Variants in HMGCLL1 observed in about 807,000 individuals in gnomAD.
HMGCLL1 encodes 3-hydroxy-3-methylglutaryl-CoA lyase like 1.
Under a neutral mutation model 39.1 loss-of-function variants are expected in HMGCLL1, and 36 were observed. The observed-to-expected ratio is 0.92, with a 90% CI of 0.71 to 1.22. The LOEUF (loss-of-function observed/expected upper bound fraction) is 1.22. Ranked by LOEUF, HMGCLL1 falls within the 50% of genes most tolerant of loss-of-function variation. The pLI is 0.00. For synonymous variants in HMGCLL1, 149 were observed against 144.0 expected, an observed-to-expected ratio of 1.03 and a Z score of -0.25; for missense variants, 451 against 416.5, an observed-to-expected ratio of 1.08 and a Z score of -0.72.
chr6:55,554,688 G>C (rs1417581070), intron 1 of HMGCLL1, among the ~76,000 whole-genome samples: 1 of 152,080 alleles, frequency 6.6e-6, no homozygotes, highest in Non-Finnish European at 1.5e-5. Flanking sequence ...TTTAGAGGAA[G>C]CTATGCCAAT....
rs924221492 is a variant in HMGCLL1, at chr6:55,542,201, T to A, written c.109-61A>T. The A allele has an allele frequency of 8.8e-6, 10 of 1,141,990 alleles. No individual in the cohort carries two copies. In the African/African-American group the frequency reaches 1.4e-4, roughly 16 times the overall value. 70.7% of individuals were successfully genotyped at this position (1,141,990 alleles called of 1,614,324 possible). On this transcript the variant is annotated intron_variant, in intron 1 of 8. Transcript: ENST00000274901. Reference sequence around the variant, plus strand: ...TTTTAGATTGTTACATTTGCTTATTTGAAAAGTTAAACAACTGCACTTTGT... The same window carrying A: ...TTTTAGATTGTTACATTTGCTTATTAGAAAAGTTAAACAACTGCACTTTGT...
the HMGCLL1 span, among the ~76,000 whole-genome samples, chr6:55,611,722 A>T: frequency 6.6e-6 from 1 of 152,214 alleles, no homozygotes; most frequent in Admixed American, 6.5e-5. Context: ...TTATCTCAAT[A>T]GATGCAAAAA....
rs538717762 is a variant in HMGCLL1 at position 55,566,181 on chromosome 6, T to C, written c.108+12767A>G. 3.8e-4 allele frequency among the ~76,000 whole-genome samples: 58 copies of C among 152,234 alleles called. 2 individuals are homozygous for C. In the South Asian group the frequency reaches 0.012, roughly 31 times the overall value. ...GTACACCCAGTGGGTTACAGATGTATGAAAGTGGTGGCAGAGAGCCACTCC... is the reference window on the plus strand; with the variant it reads ...GTACACCCAGTGGGTTACAGATGTACGAAAGTGGTGGCAGAGAGCCACTCC... On this transcript the variant is annotated intron_variant, in intron 1 of 8. Coordinates refer to ENST00000274901, the MANE Select transcript of HMGCLL1 (RefSeq NM_001042406.2).
chr6:55,614,224 C>T, the HMGCLL1 span, among the ~76,000 whole-genome samples: 1 of 152,070 alleles, frequency 6.6e-6, no homozygotes, highest in African/African-American at 2.4e-5. Flanking sequence ...CTTAACCCTC[C>T]ATGTAATGAA....
chr6:55,571,701 C>T (rs1025854256), intron 1 of HMGCLL1, among the ~76,000 whole-genome samples: 7 of 151,844 alleles, frequency 4.6e-5, no homozygotes, highest in East Asian at 1.9e-4. Flanking sequence ...CCCAGCTACT[C>T]GGGAGGCTGA....
At position 55,537,812 on chromosome 6, in the gene HMGCLL1, G is replaced by A. The variant is rs147337575; in HGVS notation, c.297+3917C>T. 3.6e-3 allele frequency among the ~76,000 whole-genome samples: 548 copies of A among 152,248 alleles called. 8 individuals carry two copies. Among genetic ancestry groups the A allele is most frequent in the African/African-American group, 0.013 (532 of 41,540 alleles). The stretch of plus-strand genomic sequence containing the variant: ...CAGCTGTCCTCAAAAGCTATGTGGG[G>A]GAATTCAGGCACTTATTCGATAATA... On this transcript the variant is annotated intron_variant, in intron 3 of 8. Transcript: ENST00000274901.
At chr6:55,506,716 A>T (rs918091444) in intron 5 of HMGCLL1, among the ~76,000 whole-genome samples, 6 of 151,684 alleles carry the variant, frequency 4.0e-5, no homozygotes, top group African/African-American at 1.5e-4. Context: ...TGTTTAAGTA[A>T]CACTTATTTT....
the HMGCLL1 span, among the ~76,000 whole-genome samples, chr6:55,678,242 G>A: frequency 6.6e-6 from 1 of 152,104 alleles, no homozygotes; most frequent in Non-Finnish European, 1.5e-5. Context: ...GATCATTCAG[G>A]TCTATCTTTG....
chr6:55,603,808 A>C, the HMGCLL1 span, among the ~76,000 whole-genome samples: 17 of 152,282 alleles, frequency 1.1e-4, no homozygotes, highest in African/African-American at 3.8e-4. Flanking sequence ...AAAAATCCGT[A>C]ACTCTTTTTG....
intron 3 of HMGCLL1, among the ~76,000 whole-genome samples, chr6:55,532,124 G>C (rs2127449068): frequency 6.6e-6 from 1 of 151,898 alleles, no homozygotes; most frequent in Middle Eastern, 3.4e-3. Flanking sequence ...ATTATGTTTT[G>C]GTTATTTTTT....
At chr6:55,647,685 C>A in the HMGCLL1 span, among the ~76,000 whole-genome samples, 1 of 146,982 alleles carries the variant, frequency 6.8e-6, no homozygotes, top group Non-Finnish European at 1.5e-5. Context: ...AAATTCTACA[C>A]TTTAATTTTA....
chr6:55,454,732 A>T (rs1332185656), intron 7 of HMGCLL1, among the ~76,000 whole-genome samples: 2 of 152,188 alleles, frequency 1.3e-5, no homozygotes, highest in African/African-American at 4.8e-5. Flanking sequence ...GATGATACTT[A>T]AGCCCTCTTC....
chr6:55,671,305 G>C, the HMGCLL1 span, among the ~76,000 whole-genome samples: 3 of 151,726 alleles, frequency 2.0e-5, no homozygotes, highest in Non-Finnish European at 4.4e-5. Context: ...GCATGAAAAG[G>C]ACTTTATATG....
the HMGCLL1 span, among the ~76,000 whole-genome samples, chr6:55,652,807 G>A: frequency 3.9e-5 from 6 of 152,102 alleles, no homozygotes; most frequent in African/African-American, 1.4e-4. Flanking sequence ...ATTCTCTTAA[G>A]TATCATAAAA....
chr6:55,550,648 T>C (rs1770278269), intron 1 of HMGCLL1, among the ~76,000 whole-genome samples: 2 of 151,848 alleles, frequency 1.3e-5, no homozygotes, highest in South Asian at 4.1e-4. Context: ...CTAGATGAGT[T>C]GCTGGTTAAT....
intron 3 of HMGCLL1, among the ~76,000 whole-genome samples, chr6:55,521,122 C>T (rs190026350): frequency 6.6e-6 from 1 of 152,138 alleles, no homozygotes; most frequent in Admixed American, 6.6e-5. Context: ...GTTGTAATTA[C>T]CTGAATACTA....
chr6:55,543,567 TA>T (rs1486068253), intron 1 of HMGCLL1, among the ~76,000 whole-genome samples: 8 of 113,710 alleles, frequency 7.0e-5, no homozygotes, highest in East Asian at 2.4e-4. Context: ...TATATATTTT[TA>T]TATATATTTA....
intron 1 of HMGCLL1, among the ~76,000 whole-genome samples, chr6:55,551,105 C>T (rs1028281893): frequency 1.3e-5 from 2 of 150,940 alleles, no homozygotes; most frequent in African/African-American, 2.4e-5. Context: ...TGATGAGGAC[C>T]TTGTAATACT....
chr6:55,493,061 C>T (rs979583668), intron 7 of HMGCLL1, among the ~76,000 whole-genome samples: 8 of 149,646 alleles, frequency 5.3e-5, no homozygotes, highest in Non-Finnish European at 1.2e-4. Context: ...TATATATTAA[C>T]ATATAAAAAT....
Sources: gnomAD v4.1 joint callset for allele counts (sites outside exome capture counted in the v4.1 genomes callset) on GRCh38, gnomAD v4.1.1 for gene constraint, MANE v1.5 for transcripts, NCBI Gene and HGNC (gene_info 2026-07-23, HGNC 2026-07-21) for gene names.